The following NUP214 variants were observed in gnomAD, a reference collection of about 807,000 sequenced individuals.
NUP214 encodes nucleoporin 214.
A neutral mutation model predicts 196.2 loss-of-function variants in NUP214; 79 were observed. That is an observed-to-expected ratio of 0.40 (90% CI 0.34 to 0.49). The LOEUF (loss-of-function observed/expected upper bound fraction) is 0.49, where lower values mean the gene tolerates loss of function less well. Among genes scored for constraint, NUP214 ranks in the 20% least tolerant of loss-of-function variants. The pLI is 0.58. For missense variants in NUP214, 2,468 were observed against 2,539.0 expected (o/e 0.97, Z 0.60); for synonymous variants, 1,020 against 990.5 (o/e 1.03, Z -0.56).
rs185168415 is a variant in NUP214 at position 131,176,969 on chromosome 9, C to A, written c.3320-1342C>A. Among the ~76,000 whole-genome samples the A allele has an allele frequency of 2.3e-3, 348 of 152,210 alleles. 4 individuals carry two copies. Among genetic ancestry groups the A allele is most frequent in the African/African-American group, 8.0e-3 (334 of 41,530 alleles). On this transcript the variant is annotated intron_variant, in intron 23 of 35. Transcript: ENST00000359428. ...AAAAATCTTTAAAATGCATAAGACA[C>A]CCCCACAACAAAGGGTTATCTAGCC...
At chr9:131,203,181 G>A (rs1190163084) in intron 30 of NUP214, among the ~76,000 whole-genome samples, 2 of 151,864 alleles carry the variant, frequency 1.3e-5, no homozygotes, top group Non-Finnish European at 2.9e-5. Flanking sequence ...TCCTGATCTC[G>A]TGATCCGCCC....
intron 9 of NUP214, 51 bp downstream of exon 9, chr9:131,136,057 T>C (rs763555457): frequency 1.4e-6 from 2 of 1,423,962 alleles, no homozygotes; most frequent in Non-Finnish European, 2.0e-6. Flanking sequence ...TAAATTATTA[T>C]TTTGAGACAG....
intron 18 of NUP214, among the ~76,000 whole-genome samples, chr9:131,162,334 T>C (rs1564190881): frequency 6.6e-6 from 1 of 152,254 alleles, no homozygotes; most frequent in Non-Finnish European, 1.5e-5. Context: ...TATGTTTTTA[T>C]ATGTATGATT....
chr9:131,154,752 A>G (rs1282375753), intron 17 of NUP214, among the ~76,000 whole-genome samples: 1 of 152,256 alleles, frequency 6.6e-6, no homozygotes, highest in African/African-American at 2.4e-5. Context: ...CACTTAGAAT[A>G]ATGGTCTCCA....
chr9:131,215,461 G>GA lies in NUP214; in HGVS notation c.5749+102dup, dbSNP rs200066503. ...AAAGCTTCAGTGACAAATATAAAAA[G>GA]AAAAAAAAATCTAGAAGGCTCATTT... On this transcript the variant is annotated intron_variant, in intron 31 of 35. Transcript: ENST00000359428. 2.2e-3 allele frequency: 2,742 copies of GA among 1,272,246 alleles called. 17 individuals are homozygous for GA. The African/African-American group carries it at 0.031, about 14-fold the overall frequency. The allele number at this position is 1,272,246 out of a possible 1,614,324, so 78.8% of individuals were successfully genotyped here. A position where few individuals can be genotyped will look rare whatever the true frequency, so the allele number is the denominator to read the frequency against.
chr9:131,143,116 C>T (rs1461738470), intron 11 of NUP214, among the ~76,000 whole-genome samples: 1 of 152,156 alleles, frequency 6.6e-6, no homozygotes, highest in Non-Finnish European at 1.5e-5. Context: ...AAGCGATCCT[C>T]CCACCTCAGC....
chr9:131,184,172 A>G (rs891877340), intron 24 of NUP214, among the ~76,000 whole-genome samples: 2 of 150,622 alleles, frequency 1.3e-5, no homozygotes, highest in Non-Finnish European at 3.0e-5. Context: ...CTGGGATTAC[A>G]GGTGTGCACC....
intron 30 of NUP214, among the ~76,000 whole-genome samples, chr9:131,209,793 C>G (rs957159251): frequency 1.3e-5 from 2 of 152,204 alleles, no homozygotes; most frequent in Non-Finnish European, 2.9e-5. Flanking sequence ...CTCTCCCCCG[C>G]TAATCCTCCC....
At chr9:131,194,040 G>T (rs1017738286) in intron 27 of NUP214, 1 of 151,434 alleles carries the variant, frequency 6.6e-6, no homozygotes, top group Non-Finnish European at 1.5e-5. Context: ...ACTAAGAAAG[G>T]TTGTGTTTTT....
chr9:131,228,276 ACGGGAGG>A lies in NUP214; in HGVS notation c.6021_6027del (p.Gly2008LysfsTer133). On this transcript the variant is annotated frameshift_variant, in exon 33 of 36. Coordinates refer to ENST00000359428, the MANE Select transcript of NUP214 (RefSeq NM_005085.4). LOFTEE classifies it high-confidence loss of function. ...AGCCTTTACAAGCCCTCTGGGCTCG[ACGGGAGG>A]CAAAGTGTTCGGAGAGGGCACTGCA... The A allele has an allele frequency of 6.2e-7, 1 of 1,605,404 alleles. No individual in the cohort carries two copies. Among genetic ancestry groups the A allele is most frequent in the Non-Finnish European group, 8.5e-7 (1 of 1,176,996 alleles).
intron 24 of NUP214, among the ~76,000 whole-genome samples, chr9:131,179,360 C>T (rs1478503827): frequency 2.0e-5 from 3 of 152,162 alleles, no homozygotes; most frequent in Admixed American, 6.5e-5. Flanking sequence ...GACTCCCTCC[C>T]GCTGCCCTGG....
chr9:131,190,346 CCT>C (rs1833563971), intron 26 of NUP214: 12 of 610,064 alleles, frequency 2.0e-5, no homozygotes, highest in Admixed American at 9.5e-5. Context: ...ATCAAAGAAA[CCT>C]AAGGAACTTT....
chr9:131,233,450 G>T lies in NUP214; in HGVS notation c.6240-4G>T. On this transcript the variant is annotated splice_region_variant and splice_polypyrimidine_tract_variant and intron_variant, in intron 35 of 35. Coordinates refer to ENST00000359428, the MANE Select transcript of NUP214 (RefSeq NM_005085.4). ...CTCCACCACTGTCCTGTGCTTCCTT[G>T]CAGGTCTGTCCAGGGTTTTGGTGGC... 6.2e-7 allele frequency: 1 copy of T among 1,610,380 alleles called. No individual in the cohort carries two copies. Among genetic ancestry groups the T allele is most frequent in the Non-Finnish European group, 8.5e-7 (1 of 1,177,974 alleles).
chr9:131,152,104 ATTT>A (rs567547252), intron 17 of NUP214, among the ~76,000 whole-genome samples: 2 of 151,980 alleles, frequency 1.3e-5, no homozygotes, highest in African/African-American at 4.8e-5. Context: ...TAAAACATAG[ATTT>A]TTTTTAAAAT....
chr9:131,133,341 G>T (rs1343256285), intron 7 of NUP214, 132 bp downstream of exon 7: 8 of 549,252 alleles, frequency 1.5e-5, no homozygotes, highest in African/African-American at 4.7e-5. Context: ...ATCTCACTCT[G>T]TCGCCCAGGC....
intron 4 of NUP214, among the ~76,000 whole-genome samples, 153 bp downstream of exon 4, chr9:131,129,630 A>C (rs1831467300): frequency 6.6e-6 from 1 of 151,866 alleles, no homozygotes; most frequent in African/African-American, 2.4e-5. Flanking sequence ...TTTTTGAGAC[A>C]GTCTCACTGT....
intron 26 of NUP214, chr9:131,190,303 A>G: frequency 1.9e-6 from 1 of 539,976 alleles, no homozygotes; most frequent in Non-Finnish European, 3.2e-6. Flanking sequence ...CAAGGACTTC[A>G]TTGGAGAGGT....
At position 131,137,470 on chromosome 9, in the gene NUP214, G is replaced by A. The variant is rs535312491; in HGVS notation, c.1005+1464G>A. ...CCCAGTCCCCTCCTTCCTCTCAAGA[G>A]TTACAGCGTTGTTTTAATTTCTTAT... On this transcript the variant is annotated intron_variant, in intron 9 of 35. Transcript: ENST00000359428. Among the ~76,000 whole-genome samples, 151 of 150,964 alleles carry A rather than the reference G, an allele frequency of 1.0e-3. 1 individual carries two copies. Among genetic ancestry groups the A allele is most frequent in the South Asian group, 2.5e-3 (12 of 4,746 alleles).
chr9:131,139,256 T>TA (rs754389114), intron 9 of NUP214, 25 bp from the exon 10 acceptor site: 3 of 162,512 alleles, frequency 1.8e-5, no homozygotes, highest in East Asian at 3.9e-4. Context: ...CTTCTTCTTC[T>TA]TTTTTTTTTT....
Sources: gnomAD v4.1 joint callset for allele counts (sites outside exome capture counted in the v4.1 genomes callset) on GRCh38, gnomAD v4.1.1 for gene constraint, MANE v1.5 for transcripts, NCBI Gene and HGNC (gene_info 2026-07-23, HGNC 2026-07-21) for gene names.